Variants in CELF2 observed in about 807,000 individuals in gnomAD.
The protein encoded by CELF2 is CUGBP Elav-like family member 2.
In CELF2, 8 loss-of-function variants were observed where a neutral mutation model predicts 62.6. The observed-to-expected ratio is 0.13, with a 90% CI of 0.07 to 0.23. The LOEUF is 0.23. Among genes scored for constraint, CELF2 ranks in the 10% least tolerant of loss-of-function variants. The pLI, the probability that CELF2 is intolerant of heterozygous loss-of-function variation, is 1.00. For synonymous variants in CELF2, 258 were observed against 250.0 expected (o/e 1.03, Z -0.30); for missense variants, 333 against 671.0 (o/e 0.50, Z 5.56).
intron 1 of CELF2, among the ~76,000 whole-genome samples, chr10:11,111,145 G>T (rs915670902): frequency 2.0e-5 from 3 of 152,174 alleles, no homozygotes; most frequent in Non-Finnish European, 4.4e-5. Flanking sequence ...TTTATTAATG[G>T]AGTGCTTTTT....
chr10:11,101,727 T>C lies in CELF2; in HGVS notation c.75-63759T>C, dbSNP rs569235046. ...CACTGTAGCACAACGGAAACACTTG[T>C]AACCTCTGCATACCAAGCATCATTT... is the stretch of plus-strand genomic sequence containing the variant. On this transcript the variant is annotated intron_variant, in intron 1 of 12. Coordinates refer to ENST00000633077, the MANE Select transcript of CELF2 (RefSeq NM_001326342.2). Among the ~76,000 whole-genome samples the C allele has an allele frequency of 2.6e-5, 4 of 152,334 alleles. No homozygotes were observed. In the South Asian group the frequency reaches 6.2e-4, roughly 24 times the overall value.
chr10:11,063,840 A>G (rs1174720505), intron 1 of CELF2, among the ~76,000 whole-genome samples: 3 of 152,184 alleles, frequency 2.0e-5, no homozygotes, highest in East Asian at 1.9e-4. Context: ...TCTCTGCCCT[A>G]TTAAGTTGGA....
intron 1 of CELF2, among the ~76,000 whole-genome samples, chr10:11,137,465 A>T (rs79306846): frequency 0.056 from 8,491 of 152,256 alleles, 282 homozygotes; most frequent in African/African-American, 0.087. Flanking sequence ...GGTTTTGTGT[A>T]CATGTGTGTA....
At chr10:10,807,375 T>G (rs2055341322) in intron 1 of CELF2, among the ~76,000 whole-genome samples, 1 of 152,234 alleles carries the variant, frequency 6.6e-6, no homozygotes, top group South Asian at 2.1e-4. Flanking sequence ...AAAGTCAACC[T>G]TGGATCCTTA....
upstream of CELF2, chr10:10,797,042 C>A: frequency 3.9e-6 from 1 of 259,652 alleles, no homozygotes; most frequent in Non-Finnish European, 6.0e-6. Flanking sequence ...ATGTTAAGAT[C>A]CACGGGTCCA....
intron 1 of CELF2, among the ~76,000 whole-genome samples, chr10:10,840,526 A>G (rs984959227): frequency 6.6e-6 from 1 of 152,092 alleles, no homozygotes; most frequent in African/African-American, 2.4e-5. Flanking sequence ...TCATTCAGAT[A>G]TTTTGCCTAT....
chr10:10,981,382 CTA>C (rs1491342997), intron 2 of CELF2, among the ~76,000 whole-genome samples: 2 of 152,186 alleles, frequency 1.3e-5, no homozygotes, highest in Non-Finnish European at 1.5e-5. Context: ...GCACTAAAAA[CTA>C]ATAAGCCAGA....
the CELF2 span, among the ~76,000 whole-genome samples, chr10:10,508,410 G>A: frequency 6.6e-6 from 1 of 152,180 alleles, no homozygotes; most frequent in African/African-American, 2.4e-5. Flanking sequence ...CCTTAGTGCA[G>A]CTGCTTCTAT....
rs1054568093 is a variant in CELF2, at chr10:11,165,937, G to A, written c.271+255G>A. ...GGGAGCGCAGAGGCTCGGTCCAGGC[G>A]CGTGATCGCTCCCGGGAGGTCACTT... On this transcript the variant is annotated intron_variant, in intron 2 of 12. Transcript: ENST00000633077. This position sits in a 1 kb window ranked among gnomAD's most constrained non-coding sequence, Gnocchi z 7.4. Among the ~76,000 whole-genome samples, 2 of 152,264 alleles carry A rather than the reference G, an allele frequency of 1.3e-5. No individual in the cohort carries two copies. The highest frequency in any genetic ancestry group is 4.8e-5 in the African/African-American group (2 of 41,470).
At chr10:11,222,274 T>A (rs907410556) in intron 3 of CELF2, among the ~76,000 whole-genome samples, 1 of 152,238 alleles carries the variant, frequency 6.6e-6, no homozygotes, top group South Asian at 2.1e-4. Context: ...TAGGTATTAA[T>A]GCCTTTGTTC....
the CELF2 span, among the ~76,000 whole-genome samples, chr10:10,682,484 C>G: frequency 6.6e-6 from 1 of 152,156 alleles, no homozygotes; most frequent in African/African-American, 2.4e-5. Context: ...AGGAGTGATC[C>G]GGCCCATCAG....
At chr10:10,690,697 T>C in the CELF2 span, among the ~76,000 whole-genome samples, 1 of 152,132 alleles carries the variant, frequency 6.6e-6, no homozygotes, top group Non-Finnish European at 1.5e-5. Flanking sequence ...GTGGCCATGA[T>C]GGTGAAACCC....
chr10:11,005,244 C>CAGAGAGAGAGGGAGAGAGAGAG (rs2054983725), upstream of CELF2: 4 of 1,422,164 alleles, frequency 2.8e-6, no homozygotes, highest in Non-Finnish European at 1.9e-6. This position sits in a 1 kb window ranked among gnomAD's most constrained non-coding sequence, Gnocchi z 4.3. Flanking sequence ...AGTGGGAAGA[C>CAGAGAGAGAGGGAGAGAGAGAG]AGAGAGAGAG....
chr10:10,962,310 T>G (rs995041959), intron 2 of CELF2, among the ~76,000 whole-genome samples: 8 of 152,240 alleles, frequency 5.3e-5, no homozygotes, highest in Non-Finnish European at 1.0e-4. Context: ...CTCCCTGCCC[T>G]GTCTCCTCTG....
the CELF2 span, among the ~76,000 whole-genome samples, chr10:10,528,193 G>T: frequency 6.6e-6 from 1 of 151,954 alleles, no homozygotes; most frequent in Non-Finnish European, 1.5e-5. Flanking sequence ...TTGTCATAAA[G>T]TTAATACAGC....
intron 2 of CELF2, among the ~76,000 whole-genome samples, chr10:11,196,041 A>G (rs1011182812): frequency 5.9e-5 from 9 of 152,002 alleles, no homozygotes; most frequent in African/African-American, 2.2e-4. Context: ...GGAGAAAAAA[A>G]AAAAAACTGG....
intron 10 of CELF2, among the ~76,000 whole-genome samples, chr10:11,320,090 C>G (rs1483438684): frequency 6.6e-6 from 1 of 152,162 alleles, no homozygotes; most frequent in African/African-American, 2.4e-5. Flanking sequence ...TCAGAAACAT[C>G]TTTTCTTAAA....
At chr10:11,126,354 A>G (rs1172581979) in intron 1 of CELF2, among the ~76,000 whole-genome samples, 1 of 152,204 alleles carries the variant, frequency 6.6e-6, no homozygotes, top group African/African-American at 2.4e-5. Context: ...TATACCTACA[A>G]AAGTAGAAAC....
At chr10:10,581,778 C>T in the CELF2 span, among the ~76,000 whole-genome samples, 2 of 152,040 alleles carry the variant, frequency 1.3e-5, no homozygotes, top group African/African-American at 4.8e-5. Context: ...GCCTGTAATC[C>T]CAGCACTTTG....
Sources: gnomAD v4.1 joint callset for allele counts (sites outside exome capture counted in the v4.1 genomes callset) on GRCh38, gnomAD v4.1.1 for gene constraint, Gnocchi (gnomAD v3.1) non-coding constraint, MANE v1.5 for transcripts, NCBI Gene and HGNC (gene_info 2026-07-23, HGNC 2026-07-21) for gene names.